The following DEPTOR variants were observed in gnomAD, a reference collection of about 807,000 sequenced individuals.
The protein encoded by DEPTOR is DEP domain containing MTOR interacting protein, also known as DEP domain-containing mTOR-interacting protein.
A neutral mutation model predicts 41.6 loss-of-function variants in DEPTOR; 41 were observed. The ratio of observed to expected loss-of-function variants is 0.98; its 90% CI spans 0.77 to 1.28. The LOEUF is 1.28. Ranked by LOEUF, DEPTOR falls within the 50% of genes most tolerant of loss-of-function variation. The pLI, the probability that DEPTOR is intolerant of heterozygous loss-of-function variation, is 0.00. For synonymous variants in DEPTOR, 195 were observed against 192.3 expected (o/e 1.01, Z -0.12); for missense variants, 514 against 527.9 (o/e 0.97, Z 0.26).
intron 8 of DEPTOR, among the ~76,000 whole-genome samples, chr8:120,022,487 T>C (rs1812734974): frequency 6.6e-6 from 1 of 152,066 alleles, no homozygotes. Flanking sequence ...ACTCTTTGTG[T>C]TGGATCCTTA....
At chr8:120,021,387 G>A (rs534145592) in intron 8 of DEPTOR, among the ~76,000 whole-genome samples, 1 of 152,224 alleles carries the variant, frequency 6.6e-6, no homozygotes, top group East Asian at 1.9e-4. Context: ...TGGGCGACAA[G>A]AGTGAAATTT....
rs891845350 is a variant in DEPTOR at position 119,874,112 on chromosome 8, G to A, written c.122+144G>A. On this transcript the variant is annotated intron_variant, in intron 1 of 8. Transcript: ENST00000286234. ...GGCTGCGGGCGCGTGGATGGTCCTC[G>A]GTGCGCCCGCGCTTAGCTGCTGCAG... 6 of 1,362,334 alleles carry A rather than the reference G, an allele frequency of 4.4e-6. No individual in the cohort carries two copies. In the African/African-American group the frequency reaches 4.6e-5, roughly 10 times the overall value. The allele number at this position is 1,362,334 out of a possible 1,614,324, so 84.4% of individuals were successfully genotyped here. A position where few individuals can be genotyped will look rare whatever the true frequency, so the allele number is the denominator to read the frequency against.
At chr8:120,002,791 AATATAT>A (rs1177103228) in intron 5 of DEPTOR, among the ~76,000 whole-genome samples, 180 bp from the exon 6 acceptor site, 2 of 60,672 alleles carry the variant, frequency 3.3e-5, no homozygotes, top group East Asian at 1.0e-3. Context: ...AAAAAAAAAA[AATATAT>A]ATATATATAT....
rs375450538 is a variant in DEPTOR at position 119,985,206 on chromosome 8, C to T, written c.605-16319C>T. On this transcript the variant is annotated intron_variant, in intron 4 of 8. Transcript: ENST00000286234. ...AAGTATTCCAATTTCTCCACATCCTCTCCAGCATCTATTGTTTCCCAACTT... is the reference window on the plus strand; with the variant it reads ...AAGTATTCCAATTTCTCCACATCCTTTCCAGCATCTATTGTTTCCCAACTT... Among the ~76,000 whole-genome samples the T allele has an allele frequency of 5.9e-5, 9 of 152,256 alleles. No individual in the cohort carries two copies. The South Asian group carries it at 8.3e-4, about 14-fold the overall frequency.
intron 1 of DEPTOR, among the ~76,000 whole-genome samples, chr8:119,910,238 G>A (rs1478428378): frequency 6.6e-6 from 1 of 152,198 alleles, no homozygotes; most frequent in Non-Finnish European, 1.5e-5. Flanking sequence ...TTAAGAAAGG[G>A]AAAATGCAAA....
At chr8:120,010,490 C>T (rs2130107864) in intron 8 of DEPTOR, among the ~76,000 whole-genome samples, 1 of 152,058 alleles carries the variant, frequency 6.6e-6, no homozygotes, top group South Asian at 2.1e-4. Context: ...GTGGCTCATT[C>T]CTGTAGTCCC....
In DEPTOR at chr8:119,962,577, TG is replaced by T. The variant is rs1030855338; in HGVS notation, c.426-2654del. On this transcript the variant is annotated intron_variant, in intron 3 of 8. Coordinates refer to ENST00000286234, the MANE Select transcript of DEPTOR (RefSeq NM_022783.4). ...AGGATCACGCATACTTTATAGGCTA[TG>T]TGAAGAATTTTGGTCTTTATCCTAA... Among the ~76,000 whole-genome samples the T allele has an allele frequency of 8.5e-5, 13 of 152,286 alleles. 1 individual carries two copies. Among genetic ancestry groups the T allele is most frequent in the East Asian group, 3.9e-4 (2 of 5,170 alleles).
chr8:119,942,425 C>T (rs762315314), intron 3 of DEPTOR, among the ~76,000 whole-genome samples: 7 of 152,288 alleles, frequency 4.6e-5, no homozygotes, highest in East Asian at 3.9e-4. Context: ...AGGCTGGTCA[C>T]GATCTCCTGA....
rs752067069 is a variant in DEPTOR at position 119,940,233 on chromosome 8, A to C, written c.425+10295A>C. 6.5e-4 allele frequency among the ~76,000 whole-genome samples: 99 copies of C among 151,948 alleles called. 1 individual carries two copies. Among genetic ancestry groups the C allele is most frequent in the Non-Finnish European group, 1.2e-3 (82 of 67,974 alleles). On this transcript the variant is annotated intron_variant, in intron 3 of 8. Coordinates refer to ENST00000286234, the MANE Select transcript of DEPTOR (RefSeq NM_022783.4). ...ACTCCATCTCAAACAAAACAAAACC[A>C]AGCAAAAAAAACATGTAATTACCAT...
Position 119,951,655 on chromosome 8 carries a change from C to T in DEPTOR, c.426-13577C>T, listed in dbSNP as rs1828355206. 3.3e-5 allele frequency among the ~76,000 whole-genome samples: 5 copies of T among 152,078 alleles called. No homozygotes were observed. The South Asian group carries it at 1.0e-3, about 32-fold the overall frequency. ...TTTTATTTCCAAAAACAAATAACACCCTCCATTACTGTTGCTTATGGTATT... is the reference window on the plus strand; with the variant it reads ...TTTTATTTCCAAAAACAAATAACACTCTCCATTACTGTTGCTTATGGTATT... On this transcript the variant is annotated intron_variant, in intron 3 of 8. Coordinates refer to ENST00000286234, the MANE Select transcript of DEPTOR (RefSeq NM_022783.4).
chr8:119,990,154 A>G (rs142141609), intron 4 of DEPTOR, among the ~76,000 whole-genome samples: 1 of 151,734 alleles, frequency 6.6e-6, no homozygotes, highest in Non-Finnish European at 1.5e-5. Flanking sequence ...TATTATTTTT[A>G]TTTGTTTATT....
At position 119,890,900 on chromosome 8, in the gene DEPTOR, T is replaced by C. The variant is rs147438515; in HGVS notation, c.122+16932T>C. ...ATATCAAGAAGTAAGGCTTATTCTG[T>C]TTGCCTTCGGGTCACAGTCTAAGCA... On this transcript the variant is annotated intron_variant, in intron 1 of 8. Transcript: ENST00000286234. Among the ~76,000 whole-genome samples the C allele has an allele frequency of 3.2e-3, 481 of 152,228 alleles. 1 individual carries two copies. Among genetic ancestry groups the C allele is most frequent in the African/African-American group, 0.011 (450 of 41,546 alleles).
chr8:120,015,360 A>T (rs996197074), intron 8 of DEPTOR, among the ~76,000 whole-genome samples: 2 of 152,178 alleles, frequency 1.3e-5, no homozygotes, highest in Non-Finnish European at 2.9e-5. Flanking sequence ...TCTTTCTCCA[A>T]TCACTTCTCC....
intron 8 of DEPTOR, among the ~76,000 whole-genome samples, chr8:120,016,544 A>G (rs1028525566): frequency 6.6e-6 from 1 of 151,170 alleles, no homozygotes; most frequent in Non-Finnish European, 1.5e-5. Flanking sequence ...CAAGTGATTC[A>G]CGTGCCCCAG....
chr8:119,873,788 C>T lies in DEPTOR; in HGVS notation c.-59C>T. The T allele has an allele frequency of 6.2e-7, 1 of 1,600,146 alleles. No homozygotes were observed. The highest frequency in any genetic ancestry group is 2.3e-5 in the East Asian group (1 of 44,002). On this transcript the variant is annotated 5_prime_UTR_variant, in exon 1 of 9. Transcript: ENST00000286234. ...AAGCGTCTGTGAGGGCAGACTGATC[C>T]GAGCACCCAAACCCTCGGCGGACAG...
chr8:119,963,895 TA>T (rs1200803274), intron 3 of DEPTOR, among the ~76,000 whole-genome samples: 1 of 152,124 alleles, frequency 6.6e-6, no homozygotes, highest in Non-Finnish European at 1.5e-5. Flanking sequence ...TGTAACAAAA[TA>T]TACCATAGGC....
chr8:120,015,318 C>A (rs562540033), intron 8 of DEPTOR, among the ~76,000 whole-genome samples: 2 of 152,330 alleles, frequency 1.3e-5, no homozygotes, highest in South Asian at 2.1e-4. Context: ...TTCAGAGAAA[C>A]CTTCCTTGAA....
chr8:119,902,824 A>G (rs1480478580), intron 1 of DEPTOR, among the ~76,000 whole-genome samples: 4 of 152,222 alleles, frequency 2.6e-5, no homozygotes, highest in Non-Finnish European at 4.4e-5. Context: ...TATAGTTCTT[A>G]TGTGTTCAAG....
chr8:120,035,597 T>C (rs1563599090), intron 8 of DEPTOR, among the ~76,000 whole-genome samples: 1 of 152,114 alleles, frequency 6.6e-6, no homozygotes, highest in Non-Finnish European at 1.5e-5. Flanking sequence ...AGTGGTGCAA[T>C]CTTGGTTCAC....
Sources: gnomAD v4.1 joint callset for allele counts (sites outside exome capture counted in the v4.1 genomes callset) on GRCh38, gnomAD v4.1.1 for gene constraint, MANE v1.5 for transcripts, NCBI Gene and HGNC (gene_info 2026-07-23, HGNC 2026-07-21) for gene names.